The following PAXIP1 variants were observed in gnomAD, a reference collection of about 807,000 sequenced individuals.
PAXIP1 encodes PAX-interacting protein 1.
In PAXIP1, 19 loss-of-function variants were observed where a neutral mutation model predicts 140.6. That is an observed-to-expected ratio of 0.14 (90% CI 0.09 to 0.20). PAXIP1 has a LOEUF of 0.20. PAXIP1 is among the 10% of genes least tolerant of loss of function. The pLI is 1.00. For synonymous variants in PAXIP1, 442 were observed against 444.6 expected, an observed-to-expected ratio of 0.99 and a Z score of 0.07; for missense variants, 920 against 1,208.6, an observed-to-expected ratio of 0.76 and a Z score of 3.54.
intron 4 of PAXIP1, among the ~76,000 whole-genome samples, chr7:154,984,553 T>C (rs1311487765): frequency 3.3e-5 from 5 of 152,252 alleles, no homozygotes; most frequent in Non-Finnish European, 1.5e-5. Context: ...TATTACACAC[T>C]ATTCTATGAA....
intron 8 of PAXIP1, chr7:154,964,942 ACT>A (rs1321003443): frequency 6.6e-6 from 1 of 152,000 alleles, no homozygotes; most frequent in Non-Finnish European, 1.5e-5. Flanking sequence ...TCATTCCCAA[ACT>A]CTATGAAAAA....
chr7:154,995,697 A>G (rs1810561476), intron 2 of PAXIP1, among the ~76,000 whole-genome samples: 1 of 152,156 alleles, frequency 6.6e-6, no homozygotes, highest in Non-Finnish European at 1.5e-5. Context: ...TAAAAACACA[A>G]AAGTTAGCCG....
At chr7:154,993,920 T>C (rs1283628629) in intron 2 of PAXIP1, among the ~76,000 whole-genome samples, 151 bp from the exon 3 acceptor site, 1 of 152,256 alleles carries the variant, frequency 6.6e-6, no homozygotes, top group Non-Finnish European at 1.5e-5. Flanking sequence ...AGAAATATTA[T>C]AGTCAAAGAT....
chr7:154,973,607 G>A lies in PAXIP1; in HGVS notation c.1074+2089C>T, dbSNP rs928191430. Among the ~76,000 whole-genome samples the A allele has an allele frequency of 3.9e-5, 6 of 152,148 alleles. No homozygotes were observed. The highest frequency in any genetic ancestry group is 7.3e-5 in the Non-Finnish European group (5 of 68,030). ...AACCGCTGTCATCATCCCAAGAACC[G>A]TGTACTACTAATACTCGCTGCTTAG... On this transcript the variant is annotated intron_variant, in intron 6 of 20. Coordinates refer to ENST00000404141, the MANE Select transcript of PAXIP1 (RefSeq NM_007349.4). This position sits in a 1 kb window ranked among gnomAD's most constrained non-coding sequence, Gnocchi z 4.0.
At chr7:154,948,284 G>C (rs1451519043) in intron 16 of PAXIP1, 1 of 345,280 alleles carries the variant, frequency 2.9e-6, no homozygotes. Context: ...GGTGGTTCAT[G>C]CCTGTAATTC....
intron 6 of PAXIP1, among the ~76,000 whole-genome samples, chr7:154,971,939 C>G (rs1015891819): frequency 5.9e-5 from 9 of 152,174 alleles, no homozygotes; most frequent in Non-Finnish European, 1.3e-4. Flanking sequence ...CTCAGAAAAT[C>G]TCCGCAATTC....
In PAXIP1 at chr7:154,946,652, C is replaced by CT. The variant is rs773216114; in HGVS notation, c.3057+26dup. The CT allele has an allele frequency of 1.2e-6, 2 of 1,613,644 alleles. No individual in the cohort carries two copies. Among genetic ancestry groups the CT allele is most frequent in the East Asian group, 4.5e-5 (2 of 44,842 alleles). On this transcript the variant is annotated intron_variant, in intron 18 of 20. Transcript: ENST00000404141. The surrounding 1 kb of genome is among the most constrained non-coding windows in gnomAD (Gnocchi z 4.9). ...GAATGTGATACAGGGCAATGACGGA[C>CT]TCGCTGGCGGACTCCACTCTACCCA...
intron 6 of PAXIP1, among the ~76,000 whole-genome samples, chr7:154,975,295 T>C (rs55642245): frequency 0.64 from 96,964 of 152,110 alleles, 31,110 homozygotes; most frequent in Admixed American, 0.72. Context: ...TGAATTTGTG[T>C]TATTTATTTA....
intron 16 of PAXIP1, among the ~76,000 whole-genome samples, chr7:154,953,363 T>A (rs760621025): frequency 2.6e-5 from 4 of 152,182 alleles, no homozygotes; most frequent in Non-Finnish European, 5.9e-5. Context: ...GGGCTGGTGA[T>A]CAATATCATT....
At chr7:154,955,875 G>T (rs960260372) in intron 14 of PAXIP1, among the ~76,000 whole-genome samples, 18 of 152,172 alleles carry the variant, frequency 1.2e-4, no homozygotes, top group African/African-American at 4.1e-4. Context: ...TTTTGGTTAA[G>T]ATCAATACTT....
chr7:154,983,246 C>A lies in PAXIP1; in HGVS notation c.411G>T (p.Thr137=), dbSNP rs781369658. Residue 137 remains threonine, a synonymous_variant, in exon 5 of 21, where the codon ACG becomes ACT. Coordinates refer to ENST00000404141, the MANE Select transcript of PAXIP1 (RefSeq NM_007349.4). ...CCTTTGGCTCTGGAACAATCAAATG[C>A]GTGCATTTCTTATTGAGGGTTAGCT... ...DCQLTLNKKC[T]HLIVPEPKGE... The A allele has an allele frequency of 6.2e-7, 1 of 1,609,416 alleles. No homozygotes were observed. Among genetic ancestry groups the A allele is most frequent in the Non-Finnish European group, 8.5e-7 (1 of 1,177,056 alleles).
Position 154,954,842 on chromosome 7 carries a change from G to C in PAXIP1, c.2653-419C>G, listed in dbSNP as rs1315634645. Among the ~76,000 whole-genome samples, 1 of 152,170 alleles carries C rather than the reference G, an allele frequency of 6.6e-6. No individual in the cohort carries two copies. Among genetic ancestry groups the C allele is most frequent in the African/African-American group, 2.4e-5 (1 of 41,442 alleles). ...AAATGATAGCATAAAAACTGGCTAA[G>C]ACTTGAGCATATAAAAAAGCGAGCT... On this transcript the variant is annotated intron_variant, in intron 15 of 20. Transcript: ENST00000404141. This position sits in a 1 kb window ranked among gnomAD's most constrained non-coding sequence, Gnocchi z 5.1.
At chr7:154,992,403 T>C (rs1325116459) in intron 3 of PAXIP1, among the ~76,000 whole-genome samples, 3 of 152,094 alleles carry the variant, frequency 2.0e-5, no homozygotes, top group South Asian at 2.1e-4. Flanking sequence ...AAAAATTAGC[T>C]GGGCGTGGTG....
chr7:154,960,701 AAACC>A (rs1182818167), intron 12 of PAXIP1, among the ~76,000 whole-genome samples, 188 bp downstream of exon 12: 2 of 152,098 alleles, frequency 1.3e-5, no homozygotes, highest in African/African-American at 2.4e-5. Context: ...ACAAAAACAA[AAACC>A]AACCAACAAA....
chr7:154,985,955 G>C (rs1237689585), intron 4 of PAXIP1: 2 of 1,269,396 alleles, frequency 1.6e-6, no homozygotes, highest in Non-Finnish European at 2.1e-6. Flanking sequence ...TAGTCTTCTA[G>C]ATTCAAATCA....
intron 6 of PAXIP1, among the ~76,000 whole-genome samples, chr7:154,971,098 A>AT (rs1276155461): frequency 6.6e-6 from 1 of 152,190 alleles, no homozygotes; most frequent in Non-Finnish European, 1.5e-5. Context: ...AGAGGCTCCT[A>AT]TTTTTCAGAT....
rs1019209966 is a variant in PAXIP1 at position 154,973,511 on chromosome 7, C to G, written c.1074+2185G>C. 6.6e-6 allele frequency among the ~76,000 whole-genome samples: 1 copy of G among 152,192 alleles called. No homozygotes were observed. The highest frequency in any genetic ancestry group is 6.5e-5 in the Admixed American group (1 of 15,288). ...TTCTCTCTCTGCTCACCTTCTCCCC[C>G]ACCATCTTAACTGTCTGCTGTCTAA... is the stretch of plus-strand genomic sequence containing the variant. On this transcript the variant is annotated intron_variant, in intron 6 of 20. Transcript: ENST00000404141. This position sits in a 1 kb window ranked among gnomAD's most constrained non-coding sequence, Gnocchi z 4.0.
At chr7:154,993,538 C>T (rs1015480137) in intron 3 of PAXIP1, among the ~76,000 whole-genome samples, 188 bp downstream of exon 3, 3 of 152,106 alleles carry the variant, frequency 2.0e-5, no homozygotes, top group African/African-American at 7.2e-5. Flanking sequence ...CCCCTTTTAA[C>T]ATGAGTAATA....
In PAXIP1 at chr7:154,946,812, G is replaced by T; in HGVS notation, c.2924C>A (p.Ala975Glu). ...TCCAGGTGTGATGTAAAAATATTTT[G>T]CCTAAAATTAAATGAAAATATATGT... ...KRAHVSPLFK[A>E]KYFYITPGIC... The change falls in exon 18 of 21, where the codon GCA becomes GAA. Residue 975 changes from alanine (A) to glutamate (E), a missense_variant and splice_region_variant. Ala to Glu is a moderately radical substitution (Grantham distance 107, BLOSUM62 -1). This residue lies in a region of PAXIP1 where 303 missense variants were observed against 517.9 expected (regional missense o/e 0.59). Transcript: ENST00000404141. The surrounding 1 kb of genome is among the most constrained non-coding windows in gnomAD (Gnocchi z 4.9). The T allele has an allele frequency of 1.3e-6, 2 of 1,578,616 alleles. No homozygotes were observed. The highest frequency in any genetic ancestry group is 1.7e-6 in the Non-Finnish European group (2 of 1,159,266).
Sources: allele counts gnomAD v4.1 joint callset (sites outside exome capture counted in the v4.1 genomes callset), GRCh38; gene constraint gnomAD v4.1.1; regional missense constraint gnomAD v4.1.1; non-coding constraint Gnocchi (gnomAD v3.1); transcripts MANE v1.5; gene names NCBI Gene and HGNC (gene_info 2026-07-23, HGNC 2026-07-21).